Variants in G6PC3 observed in about 807,000 individuals in gnomAD.
The protein encoded by G6PC3 is glucose-6-phosphatase catalytic subunit 3.
G6PC3 carries 30 observed loss-of-function variants against 38.6 expected under a neutral mutation model. That is an observed-to-expected ratio of 0.78 (90% confidence interval 0.58 to 1.05). The LOEUF is 1.05. Among genes scored for constraint, G6PC3 ranks in the 50% least tolerant of loss-of-function variants. The probability of loss-of-function intolerance (pLI) is 0.00; values close to 1 mark genes in which losing one functional copy is unlikely to be tolerated. For missense variants in G6PC3, 377 were observed against 443.1 expected (o/e 0.85, Z 1.34); for synonymous variants, 192 against 178.1 (o/e 1.08, Z -0.62).
chr17:44,075,953 C>A lies in G6PC3; in HGVS notation c.951C>A (p.Tyr317Ter), dbSNP rs1025726441. The change falls in exon 6 of 6, where the codon TAC becomes TAA. Residue 317 changes from tyrosine to a stop codon, truncating the protein, a stop_gained. Transcript: ENST00000269097. LOFTEE classifies it high-confidence loss of function. ...SLFYIFNFLKYTLWPCLVLAL... is the reference protein window; with the variant it reads ...SLFYIFNFLK ...TCTACATTTTCAATTTCCTCAAGTA[C>A]ACCCTCTGGCCATGCCTAGTCCTGG... 1 of 1,613,304 alleles carries A rather than the reference C, an allele frequency of 6.2e-7. No homozygotes were observed. The highest frequency in any genetic ancestry group is 1.1e-5 in the South Asian group (1 of 91,082).
chr17:44,076,282 G>A lies in G6PC3; in HGVS notation c.*239G>A, dbSNP rs1201182535. ...GAGCAAAGGCAACAGCAAGACCAGC[G>A]GGTTCTTGCAACACTGTGAGGGGCA... On this transcript the variant is annotated 3_prime_UTR_variant, in exon 6 of 6. Transcript: ENST00000269097. 4.3e-6 allele frequency: 3 copies of A among 698,270 alleles called. No individual in the cohort carries two copies. Among genetic ancestry groups the A allele is most frequent in the Admixed American group, 4.0e-5 (2 of 49,700 alleles). 43.3% of individuals were successfully genotyped at this position (698,270 alleles called of 1,614,324 possible).
At chr17:44,074,299 T>C (rs749837426) in intron 2 of G6PC3, 33 bp downstream of exon 2, 1 of 1,505,030 alleles carries the variant, frequency 6.6e-7, no homozygotes, top group East Asian at 2.3e-5. Flanking sequence ...CCTTTCCCAA[T>C]GTGGTTAGGG....
chr17:44,074,938 G>C (rs368202119), intron 3 of G6PC3, 31 bp from the exon 4 acceptor site: 6 of 1,578,434 alleles, frequency 3.8e-6, no homozygotes, highest in Admixed American at 3.3e-5. Context: ...GTATGGACAC[G>C]CTCTGAGCTC....
At chr17:44,074,913 A>G in intron 3 of G6PC3, 56 bp from the exon 4 acceptor site, 1 of 1,507,032 alleles carries the variant, frequency 6.6e-7, no homozygotes, top group Non-Finnish European at 9.2e-7. Context: ...TGGGTGCTGC[A>G]GGAGGCCAAG....
intron 1 of G6PC3, 141 bp from the exon 2 acceptor site, chr17:44,074,019 C>G: frequency 3.9e-6 from 3 of 769,338 alleles, no homozygotes; most frequent in Non-Finnish European, 7.2e-6. Flanking sequence ...CCATGGATAC[C>G]TTGAGAGCAG....
rs1435332464 is a variant in G6PC3, at chr17:44,075,677, C to G, written c.678-3C>G. 6 of 1,610,704 alleles carry G rather than the reference C, an allele frequency of 3.7e-6. No homozygotes were observed. The highest frequency in any genetic ancestry group is 5.1e-6 in the Non-Finnish European group (6 of 1,180,002). Reference sequence around the variant, plus strand: ...TCCTGGCAAGAACTCTTCTTCCCCACAGGTCCATCAGCCTAGCCTTCAAGT... The same window carrying G: ...TCCTGGCAAGAACTCTTCTTCCCCAGAGGTCCATCAGCCTAGCCTTCAAGT... On this transcript the variant is annotated splice_region_variant and splice_polypyrimidine_tract_variant and intron_variant, in intron 5 of 5. Transcript: ENST00000269097.
chr17:44,074,296 C>A, intron 2 of G6PC3, 30 bp downstream of exon 2: 2 of 1,509,036 alleles, frequency 1.3e-6, no homozygotes, highest in South Asian at 1.1e-5. Flanking sequence ...CTCCCTTTCC[C>A]AATGTGGTTA....
Position 44,076,265 on chromosome 17 carries a change from G to A in G6PC3, c.*222G>A. On this transcript the variant is annotated 3_prime_UTR_variant, in exon 6 of 6. Transcript: ENST00000269097. ...CCTCTCAAGCCCCCAAAGAGCAAAG[G>A]CAACAGCAAGACCAGCGGGTTCTTG... is the stretch of plus-strand genomic sequence containing the variant. The A allele has an allele frequency of 1.4e-6, 1 of 721,588 alleles. No homozygotes were observed. Among genetic ancestry groups the A allele is most frequent in the Non-Finnish European group, 2.5e-6 (1 of 401,492 alleles). The allele number at this position is 721,588 out of a possible 1,614,324, so 44.7% of individuals were successfully genotyped here.
rs750149730 is a variant in G6PC3, at chr17:44,076,182, C to G, written c.*139C>G. The G allele has an allele frequency of 2.7e-5, 31 of 1,168,690 alleles. No individual in the cohort carries two copies. The African/African-American group carries it at 4.2e-4, about 16-fold the overall frequency. 72.4% of individuals were successfully genotyped at this position (1,168,690 alleles called of 1,614,324 possible). A position where few individuals can be genotyped will look rare whatever the true frequency, so the allele number is the denominator to read the frequency against. On this transcript the variant is annotated 3_prime_UTR_variant, in exon 6 of 6. Transcript: ENST00000269097. Reference sequence around the variant, plus strand: ...TAAATCTGCTTCCGCACCACCTGGTCTTAGCCCCAAAGATGGGCCTTCTCT... The same window carrying G: ...TAAATCTGCTTCCGCACCACCTGGTGTTAGCCCCAAAGATGGGCCTTCTCT...
rs747469767 is a variant in G6PC3 at position 44,075,687 on chromosome 17, A to G, written c.685A>G (p.Ser229Gly). The part of the protein sequence containing the change: ...TLGLDLSWSI[S>G]LAFKWCERPE... The stretch of plus-strand genomic sequence containing the variant: ...AACTCTTCTTCCCCACAGGTCCATC[A>G]GCCTAGCCTTCAAGTGGTGTGAGCG... The change falls in exon 6 of 6, where the codon AGC becomes GGC. Residue 229 changes from serine (S) to glycine (G), a missense_variant. Transcript: ENST00000269097. 6.2e-7 allele frequency: 1 copy of G among 1,611,412 alleles called. No individual in the cohort carries two copies. The highest frequency in any genetic ancestry group is 8.5e-7 in the Non-Finnish European group (1 of 1,180,004).
In G6PC3 at chr17:44,074,256, G is replaced by C. The variant is rs780572365; in HGVS notation, c.315G>C (p.Glu105Asp). 1 of 1,610,996 alleles carries C rather than the reference G, an allele frequency of 6.2e-7. No homozygotes were observed. The highest frequency in any genetic ancestry group is 1.1e-5 in the South Asian group (1 of 91,026). ...AQVHQFPSSCETGPGSPSGHC... is the reference protein window; with the variant it reads ...AQVHQFPSSCDTGPGSPSGHC... ...TTCACCAGTTCCCCTCTTCTTGTGA[G>C]ACTGGTCCAGGTGGGAAGCCTCAAA... Residue 105 changes from glutamate (E) to aspartate (D), a missense_variant, in exon 2 of 6, where the codon GAG (glutamate) becomes GAC (aspartate). Glu to Asp is a conservative substitution (Grantham distance 45, BLOSUM62 2). Transcript: ENST00000269097.
At chr17:44,071,981 A>G in intron 1 of G6PC3, 1 of 282,696 alleles carries the variant, frequency 3.5e-6, no homozygotes, top group Non-Finnish European at 7.1e-6. Context: ...CTGGGCATGC[A>G]GCCACACCTC....
At position 44,074,690 on chromosome 17, in the gene G6PC3, T is replaced by G; in HGVS notation, c.336T>G (p.Ser112=). The change falls in exon 3 of 6, where the codon TCT becomes TCG. Residue 112 remains serine, a synonymous_variant. Transcript: ENST00000269097. The part of the protein sequence containing the change: ...SSCETGPGSP[S]GHCMITGAAL... ...TGGATTTGCTGGCAGGCAGCCCTTC[T>G]GGACACTGCATGATCACAGGAGCAG... 1 of 1,614,220 alleles carries G rather than the reference T, an allele frequency of 6.2e-7. No homozygotes were observed. The highest frequency in any genetic ancestry group is 1.6e-4 in the Middle Eastern group (1 of 6,062).
chr17:44,074,318 A>G (rs2050035309), intron 2 of G6PC3, 52 bp downstream of exon 2: 3 of 1,374,400 alleles, frequency 2.2e-6, no homozygotes, highest in Non-Finnish European at 3.1e-6. Context: ...GGTTCGGGTG[A>G]ACATTTCAGA....
intron 4 of G6PC3, 81 bp downstream of exon 4, chr17:44,075,168 C>A: frequency 6.7e-7 from 1 of 1,492,388 alleles, no homozygotes. Flanking sequence ...CCCATCGCTC[C>A]CAGCTTCTGT....
At chr17:44,075,175 C>T in intron 4 of G6PC3, 88 bp downstream of exon 4, 2 of 1,485,282 alleles carry the variant, frequency 1.3e-6, no homozygotes, top group Non-Finnish European at 1.9e-6. Flanking sequence ...CTCCCAGCTT[C>T]TGTAGAGCCC....
At chr17:44,075,213 G>C in intron 4 of G6PC3, 97 bp from the exon 5 acceptor site, 1 of 1,562,298 alleles carries the variant, frequency 6.4e-7, no homozygotes, top group Non-Finnish European at 8.8e-7. Flanking sequence ...TTATGTCTCA[G>C]TTTATTCTCT....
At position 44,076,092 on chromosome 17, in the gene G6PC3, G is replaced by A. The variant is rs370353994; in HGVS notation, c.*49G>A. On this transcript the variant is annotated 3_prime_UTR_variant, in exon 6 of 6. Transcript: ENST00000269097. ...TTCCCTCCCACAAAGCCAACACTCT[G>A]TGACCACCACACTCCAGGAGGCAGC... is the stretch of plus-strand genomic sequence containing the variant. The A allele has an allele frequency of 3.1e-5, 49 of 1,606,322 alleles. No individual in the cohort carries two copies. The highest frequency in any genetic ancestry group is 4.0e-5 in the Non-Finnish European group (47 of 1,179,586).
At chr17:44,075,486 CCT>C (rs925076866) in intron 5 of G6PC3, 35 bp downstream of exon 5, 2 of 1,613,816 alleles carry the variant, frequency 1.2e-6, no homozygotes, top group African/African-American at 1.3e-5. Context: ...CAGGCTGGGC[CCT>C]GTCCTATCTC....
Sources: allele counts gnomAD v4.1 joint callset, GRCh38; gene constraint gnomAD v4.1.1; transcripts MANE v1.5; gene names NCBI Gene and HGNC (gene_info 2026-07-23, HGNC 2026-07-21).